Variants in PPP2R5A observed in about 807,000 individuals in gnomAD.
PPP2R5A encodes protein phosphatase 2 regulatory subunit B'alpha.
Under a neutral mutation model 64.2 loss-of-function variants are expected in PPP2R5A, and 25 were observed. The ratio of observed to expected loss-of-function variants is 0.39; its 90% CI spans 0.28 to 0.54. PPP2R5A has a LOEUF of 0.54. PPP2R5A is among the 20% of genes least tolerant of loss of function. The pLI, the probability that PPP2R5A is intolerant of heterozygous loss-of-function variation, is 0.67. For missense variants in PPP2R5A, 425 were observed against 576.3 expected, an observed-to-expected ratio of 0.74 and a Z score of 2.69; for synonymous variants, 198 against 201.2, an observed-to-expected ratio of 0.98 and a Z score of 0.13.
chr1:212,294,957 T>C (rs1354288135), intron 1 of PPP2R5A, among the ~76,000 whole-genome samples: 1 of 152,096 alleles, frequency 6.6e-6, no homozygotes, highest in African/African-American at 2.4e-5. Flanking sequence ...CAAAGGTAAT[T>C]GAGCATAGCA....
intron 7 of PPP2R5A, among the ~76,000 whole-genome samples, 170 bp from the exon 8 acceptor site, chr1:212,349,019 G>A (rs1467596323): frequency 1.3e-5 from 2 of 152,042 alleles, no homozygotes; most frequent in African/African-American, 4.8e-5. Flanking sequence ...TGTGAGTATA[G>A]TTTCACGATT....
chr1:212,344,819 A>C (rs1659745542), intron 4 of PPP2R5A, among the ~76,000 whole-genome samples: 1 of 152,118 alleles, frequency 6.6e-6, no homozygotes, highest in African/African-American at 2.4e-5. Flanking sequence ...GAGGTATAGG[A>C]GAGTGCTGAC....
intron 6 of PPP2R5A, 80 bp downstream of exon 6, chr1:212,347,486 A>C (rs1659803623): frequency 9.5e-7 from 1 of 1,055,914 alleles, no homozygotes; most frequent in Non-Finnish European, 1.4e-6. Flanking sequence ...GGGGTTGGAG[A>C]AATTATGTCA....
At chr1:212,316,095 C>T (rs1659146840) in intron 1 of PPP2R5A, among the ~76,000 whole-genome samples, 1 of 152,086 alleles carries the variant, frequency 6.6e-6, no homozygotes, top group Admixed American at 6.6e-5. Flanking sequence ...GAGATTAGGC[C>T]AATTAAATAC....
At chr1:212,345,490 T>G (rs1659761700) in intron 4 of PPP2R5A, among the ~76,000 whole-genome samples, 2 of 152,272 alleles carry the variant, frequency 1.3e-5, no homozygotes, top group African/African-American at 4.8e-5. Flanking sequence ...ATTTTAACAC[T>G]CCAAAATTGT....
intron 1 of PPP2R5A, among the ~76,000 whole-genome samples, chr1:212,287,142 G>C (rs747420551): frequency 3.3e-5 from 5 of 152,176 alleles, no homozygotes; most frequent in South Asian, 2.1e-4. Flanking sequence ...ACTCTTTTTG[G>C]CTCACTTTTC....
At chr1:212,340,695 A>G (rs1455557596) in intron 3 of PPP2R5A, among the ~76,000 whole-genome samples, 5 of 152,250 alleles carry the variant, frequency 3.3e-5, no homozygotes, top group Admixed American at 3.3e-4. Context: ...GTTAGGTAAC[A>G]TTAGACCAGA....
At chr1:212,295,744 T>C (rs1388847462) in intron 1 of PPP2R5A, among the ~76,000 whole-genome samples, 1 of 152,088 alleles carries the variant, frequency 6.6e-6, no homozygotes, top group African/African-American at 2.4e-5. Context: ...AGTGGATAAC[T>C]GTGGACAAGT....
intron 2 of PPP2R5A, among the ~76,000 whole-genome samples, 169 bp from the exon 3 acceptor site, chr1:212,333,326 AAG>A (rs1443384238): frequency 1.1e-4 from 16 of 152,238 alleles, no homozygotes; most frequent in African/African-American, 2.9e-4. Context: ...GGATAGAGAA[AAG>A]AGAGAAACAA....
At chr1:212,327,152 T>C (rs1450010056) in intron 1 of PPP2R5A, among the ~76,000 whole-genome samples, 2 of 152,240 alleles carry the variant, frequency 1.3e-5, no homozygotes, top group Admixed American at 1.3e-4. Context: ...TGTATCTTTA[T>C]ATAAAGTATG....
intron 1 of PPP2R5A, among the ~76,000 whole-genome samples, chr1:212,300,959 G>T (rs557049367): frequency 2.0e-5 from 3 of 152,222 alleles, no homozygotes; most frequent in Admixed American, 6.5e-5. Context: ...TATGCTGATG[G>T]TAGAAGGAAG....
Position 212,357,217 on chromosome 1 carries a change from A to G in PPP2R5A, c.1159A>G (p.Asn387Asp). ...NEYILSLIEENIDKILPIMFA... is the reference protein window; with the variant it reads ...NEYILSLIEEDIDKILPIMFA... ...ATATATTCTTAGTTTGATTGAGGAG[A>G]ACATTGATAAAATTCTGCCAATTAT... Residue 387 changes from asparagine to aspartate, a missense_variant, in exon 11 of 13, where the codon AAC becomes GAC. By Grantham distance (23) the Asn-to-Asp change is conservative. Coordinates refer to ENST00000261461, the MANE Select transcript of PPP2R5A (RefSeq NM_006243.4). 6.3e-7 allele frequency: 1 copy of G among 1,595,974 alleles called. No individual in the cohort carries two copies. The highest frequency in any genetic ancestry group is 8.5e-7 in the Non-Finnish European group (1 of 1,174,306).
At chr1:212,316,794 G>A (rs937064217) in intron 1 of PPP2R5A, among the ~76,000 whole-genome samples, 2 of 151,656 alleles carry the variant, frequency 1.3e-5, no homozygotes, top group Non-Finnish European at 2.9e-5. Flanking sequence ...GAGTTGGTTG[G>A]GGCTTATTGA....
chr1:212,303,950 G>A (rs1388715822), intron 1 of PPP2R5A, among the ~76,000 whole-genome samples: 1 of 152,124 alleles, frequency 6.6e-6, no homozygotes, highest in Non-Finnish European at 1.5e-5. Context: ...GTTTTGAAAT[G>A]GGATAGTGTG....
intron 8 of PPP2R5A, among the ~76,000 whole-genome samples, chr1:212,351,590 T>C (rs1228903185): frequency 6.6e-6 from 1 of 152,112 alleles, no homozygotes; most frequent in East Asian, 1.9e-4. Flanking sequence ...GGCGGGCACC[T>C]GTAATCCCAG....
At position 212,360,856 on chromosome 1, in the gene PPP2R5A, G is replaced by T; in HGVS notation, c.*86G>T. The T allele has an allele frequency of 7.7e-7, 1 of 1,302,966 alleles. No homozygotes were observed. The highest frequency in any genetic ancestry group is 1.0e-6 in the Non-Finnish European group (1 of 994,262). The allele number at this position is 1,302,966 out of a possible 1,614,324, so 80.7% of individuals were successfully genotyped here. A position where few individuals can be genotyped will look rare whatever the true frequency, so the allele number is the denominator to read the frequency against. On this transcript the variant is annotated 3_prime_UTR_variant, in exon 13 of 13. Coordinates refer to ENST00000261461, the MANE Select transcript of PPP2R5A (RefSeq NM_006243.4). ...AAAAATTACAAAACAAACCTCATCA[G>T]TATAATATAATTAAAAGGCCAATTT...
At chr1:212,295,299 C>G (rs1658671686) in intron 1 of PPP2R5A, among the ~76,000 whole-genome samples, 1 of 152,078 alleles carries the variant, frequency 6.6e-6, no homozygotes, top group Non-Finnish European at 1.5e-5. Flanking sequence ...AACGATGATA[C>G]ATTTCTAACT....
At chr1:212,289,404 C>T (rs1365968056) in intron 1 of PPP2R5A, among the ~76,000 whole-genome samples, 1 of 152,174 alleles carries the variant, frequency 6.6e-6, no homozygotes, top group African/African-American at 2.4e-5. Context: ...TCAGTATTCC[C>T]ATTTTATTGA....
intron 8 of PPP2R5A, 108 bp downstream of exon 8, chr1:212,349,350 C>A: frequency 2.7e-6 from 2 of 747,816 alleles, no homozygotes; most frequent in South Asian, 3.5e-5. Flanking sequence ...GTACGTTAAG[C>A]TAAAATCATT....
Sources: allele counts gnomAD v4.1 joint callset (sites outside exome capture counted in the v4.1 genomes callset), GRCh38; gene constraint gnomAD v4.1.1; transcripts MANE v1.5; gene names NCBI Gene and HGNC (gene_info 2026-07-23, HGNC 2026-07-21).